PPFIBP2: variants seen among roughly 807,000 people sequenced by gnomAD.
PPFIBP2 encodes PPFIB scaffold protein 2.
Under a neutral mutation model 118.3 loss-of-function variants are expected in PPFIBP2, and 118 were observed. The ratio of observed to expected loss-of-function variants is 1.00; its 90% confidence interval spans 0.86 to 1.16. The LOEUF (loss-of-function observed/expected upper bound fraction) is 1.16. Ranked by LOEUF, PPFIBP2 falls within the 50% of genes most tolerant of loss-of-function variation. PPFIBP2 has a pLI of 0.00. For missense variants in PPFIBP2, 1,195 were observed against 1,073.1 expected (o/e 1.11, Z -1.59); for synonymous variants, 414 against 397.4 (o/e 1.04, Z -0.50).
chr11:7,624,215 TG>T lies in PPFIBP2; in HGVS notation c.712-1561del, dbSNP rs34006466. Among the ~76,000 whole-genome samples the T allele has an allele frequency of 4.8e-3, 731 of 152,304 alleles. 6 individuals carry two copies. The highest frequency in any genetic ancestry group is 6.6e-3 in the Non-Finnish European group (448 of 68,022). ...AGACACACGGTGGTGGGTGGAGCCC[TG>T]ACATTGGAGCAGGCAGGCCAGGGTT... On this transcript the variant is annotated intron_variant, in intron 7 of 23. Transcript: ENST00000299492.
intron 5 of PPFIBP2, among the ~76,000 whole-genome samples, chr11:7,602,686 GC>G (rs1329402886): frequency 1.3e-5 from 2 of 152,184 alleles, no homozygotes; most frequent in African/African-American, 4.8e-5. Flanking sequence ...GCAAGTAAGG[GC>G]ATAATCCTGC....
At chr11:7,593,750 G>C (rs1424882506) in intron 4 of PPFIBP2, among the ~76,000 whole-genome samples, 1 of 152,194 alleles carries the variant, frequency 6.6e-6, no homozygotes, top group Non-Finnish European at 1.5e-5. Flanking sequence ...GCTTGAAAGA[G>C]AGGAGCTCCA....
intron 1 of PPFIBP2, among the ~76,000 whole-genome samples, chr11:7,525,912 G>GA (rs566075698): frequency 1.2e-3 from 185 of 152,288 alleles, no homozygotes; most frequent in Non-Finnish European, 2.3e-3. Context: ...AGATATAGGG[G>GA]AATGACTGCT....
At chr11:7,665,376 A>T in the PPFIBP2 span, 27 of 1,542,070 alleles carry the variant, frequency 1.8e-5, no homozygotes, top group Non-Finnish European at 2.4e-5. Context: ...TGGAGGTGTT[A>T]GTAGGTGAAA....
chr11:7,665,663 C>T, the PPFIBP2 span: 3 of 1,246,936 alleles, frequency 2.4e-6, no homozygotes, highest in South Asian at 1.5e-5. Context: ...TCTACAAAGG[C>T]TTAGAAGTCT....
At chr11:7,639,505 C>T (rs1590748427) in intron 14 of PPFIBP2, among the ~76,000 whole-genome samples, 1 of 152,192 alleles carries the variant, frequency 6.6e-6, no homozygotes, top group African/African-American at 2.4e-5. Context: ...CCCAGATTTG[C>T]ACTTGACTCT....
chr11:7,629,264 C>T (rs1265518079), intron 9 of PPFIBP2, among the ~76,000 whole-genome samples, 195 bp from the exon 10 acceptor site: 2 of 152,238 alleles, frequency 1.3e-5, no homozygotes, highest in South Asian at 2.1e-4. Context: ...TCAGGTAGAG[C>T]GTGAATGCCT....
At chr11:7,593,690 C>A (rs1256430759) in intron 4 of PPFIBP2, among the ~76,000 whole-genome samples, 1 of 152,198 alleles carries the variant, frequency 6.6e-6, no homozygotes, top group Non-Finnish European at 1.5e-5. Context: ...CCCTTTAATG[C>A]CAAATCCCCT....
chr11:7,643,786 C>T (rs1852569549), intron 17 of PPFIBP2, among the ~76,000 whole-genome samples: 1 of 152,128 alleles, frequency 6.6e-6, no homozygotes, highest in Non-Finnish European at 1.5e-5. Flanking sequence ...AAGCCTCCAG[C>T]CCCAACCTTT....
chr11:7,665,579 C>T, the PPFIBP2 span: 6 of 1,564,384 alleles, frequency 3.8e-6, no homozygotes, highest in East Asian at 2.2e-5. Flanking sequence ...GCAAGCTGAG[C>T]GATGCCAGGT....
At chr11:7,536,675 G>A (rs914880504) in intron 1 of PPFIBP2, among the ~76,000 whole-genome samples, 7 of 152,114 alleles carry the variant, frequency 4.6e-5, no homozygotes, top group Non-Finnish European at 8.8e-5. Flanking sequence ...GATCCCAGGC[G>A]CATGAATGTC....
At chr11:7,595,349 T>C (rs1860094849) in intron 4 of PPFIBP2, among the ~76,000 whole-genome samples, 1 of 152,230 alleles carries the variant, frequency 6.6e-6, no homozygotes, top group Non-Finnish European at 1.5e-5. Context: ...CAATGTAAGA[T>C]TTTGCAGCAA....
intron 1 of PPFIBP2, among the ~76,000 whole-genome samples, chr11:7,530,493 G>T (rs1850594506): frequency 6.6e-6 from 1 of 152,162 alleles, no homozygotes; most frequent in Non-Finnish European, 1.5e-5. Context: ...CTTGAGATTG[G>T]TTCCTTTATA....
downstream of PPFIBP2, among the ~76,000 whole-genome samples, chr11:7,657,805 T>C (rs1040706554): frequency 6.6e-6 from 1 of 152,218 alleles, no homozygotes; most frequent in Non-Finnish European, 1.5e-5. Flanking sequence ...CACAGTGCCG[T>C]GTCTGCCCTT....
chr11:7,649,451 A>G (rs1853638561), intron 20 of PPFIBP2, 81 bp from the exon 21 acceptor site: 7 of 1,565,780 alleles, frequency 4.5e-6, no homozygotes, highest in East Asian at 2.2e-5. Flanking sequence ...TGACTTGTCT[A>G]TGCTTGGTCT....
intron 1 of PPFIBP2, among the ~76,000 whole-genome samples, chr11:7,537,278 A>C (rs1280917274): frequency 6.6e-6 from 1 of 152,200 alleles, no homozygotes; most frequent in African/African-American, 2.4e-5. Context: ...TAATTGTACT[A>C]TATCCCTCAC....
chr11:7,637,907 TC>T, intron 14 of PPFIBP2, among the ~76,000 whole-genome samples: 1 of 152,190 alleles, frequency 6.6e-6, no homozygotes, highest in African/African-American at 2.4e-5. Flanking sequence ...CTCAGGGAGC[TC>T]CCCGGGTGGC....
chr11:7,648,773 CAT>C (rs773988896), intron 18 of PPFIBP2, 25 bp from the exon 19 acceptor site: 1 of 1,604,336 alleles, frequency 6.2e-7, no homozygotes, highest in South Asian at 1.1e-5. Context: ...CAAAATTTCA[CAT>C]GTGGTCTTCA....
chr11:7,586,925 A>G (rs1213034875), intron 3 of PPFIBP2, among the ~76,000 whole-genome samples: 1 of 152,066 alleles, frequency 6.6e-6, no homozygotes, highest in African/African-American at 2.4e-5. Flanking sequence ...TGTTAGATCT[A>G]TTTCTGTTAT....
Sources: allele counts gnomAD v4.1 joint callset (sites outside exome capture counted in the v4.1 genomes callset), GRCh38; gene constraint gnomAD v4.1.1; transcripts MANE v1.5; gene names NCBI Gene and HGNC (gene_info 2026-07-23, HGNC 2026-07-21).